The following AGBL1 variants were observed in gnomAD, a reference collection of about 807,000 sequenced individuals.
AGBL1 encodes cytosolic carboxypeptidase 4.
Under a neutral mutation model 118.9 loss-of-function variants are expected in AGBL1, and 130 were observed. The observed-to-expected ratio is 1.09, with a 90% confidence interval of 0.95 to 1.26. AGBL1 has a LOEUF of 1.26. Ranked by LOEUF, AGBL1 falls within the 50% of genes most tolerant of loss-of-function variation. AGBL1 has a pLI of 0.00. For synonymous variants in AGBL1, 555 were observed against 478.9 expected, an observed-to-expected ratio of 1.16 and a Z score of -2.08; for missense variants, 1,584 against 1,298.1, an observed-to-expected ratio of 1.22 and a Z score of -3.38.
chr15:86,903,138 A>G (rs940455878), intron 22 of AGBL1, among the ~76,000 whole-genome samples: 1 of 150,854 alleles, frequency 6.6e-6, no homozygotes, highest in Admixed American at 6.6e-5. Flanking sequence ...CTATTTTTCT[A>G]CTTTCAGGTT....
intron 23 of AGBL1, among the ~76,000 whole-genome samples, chr15:86,974,975 C>A (rs72757459): frequency 0.04 from 6,088 of 151,956 alleles, 152 homozygotes; most frequent in Middle Eastern, 0.068. Flanking sequence ...GGACTTTAGG[C>A]AAGGGTCTAA....
intron 6 of AGBL1, among the ~76,000 whole-genome samples, chr15:86,227,249 C>T (rs748228916): frequency 9.2e-5 from 14 of 152,216 alleles, no homozygotes; most frequent in South Asian, 2.1e-4. Context: ...ACATATAAAA[C>T]GGGTTTTAGT....
At chr15:86,518,387 GC>G (rs2083147776) in intron 18 of AGBL1, among the ~76,000 whole-genome samples, 1 of 152,100 alleles carries the variant, frequency 6.6e-6, no homozygotes, top group Non-Finnish European at 1.5e-5. Context: ...AGACTGTCCA[GC>G]CTTTAAGGTT....
intron 22 of AGBL1, among the ~76,000 whole-genome samples, chr15:86,692,592 C>T (rs1040511402): frequency 6.6e-6 from 1 of 152,078 alleles, no homozygotes; most frequent in Non-Finnish European, 1.5e-5. Flanking sequence ...TACTAACTTA[C>T]TAAATTCTTC....
intron 17 of AGBL1, among the ~76,000 whole-genome samples, chr15:86,323,531 C>A (rs2080137163): frequency 6.6e-6 from 1 of 152,082 alleles, no homozygotes; most frequent in Non-Finnish European, 1.5e-5. Flanking sequence ...GAGAAATAAT[C>A]ATTTCATTGA....
chr15:86,934,940 C>T (rs540459293), intron 23 of AGBL1: 1 of 152,160 alleles, frequency 6.6e-6, no homozygotes, highest in Non-Finnish European at 1.5e-5. Flanking sequence ...CCATTCTCCT[C>T]CTGATATCAC....
At chr15:86,232,064 A>T (rs2078464834) in intron 6 of AGBL1, among the ~76,000 whole-genome samples, 1 of 152,118 alleles carries the variant, frequency 6.6e-6, no homozygotes, top group South Asian at 2.1e-4. Context: ...GGTGAGAGAG[A>T]GGAAGGAAGC....
intron 22 of AGBL1, among the ~76,000 whole-genome samples, chr15:86,692,372 GA>G (rs2086187859): frequency 1.3e-5 from 2 of 151,952 alleles, no homozygotes; most frequent in South Asian, 4.2e-4. Flanking sequence ...AGCACCTTGG[GA>G]AAAGCAGAAG....
chr15:86,096,740 T>G (rs928880221), intron 1 of AGBL1, among the ~76,000 whole-genome samples: 2 of 152,174 alleles, frequency 1.3e-5, no homozygotes, highest in Non-Finnish European at 2.9e-5. Context: ...ATTCTTTCAA[T>G]ATCCCTGGAA....
intron 22 of AGBL1, among the ~76,000 whole-genome samples, chr15:86,848,343 T>C (rs915462674): frequency 6.6e-6 from 1 of 152,202 alleles, no homozygotes; most frequent in African/African-American, 2.4e-5. Flanking sequence ...TTTGCTGAGC[T>C]AAAAACTGTG....
intron 19 of AGBL1, among the ~76,000 whole-genome samples, chr15:86,543,693 T>G (rs2083536056): frequency 6.6e-6 from 1 of 152,158 alleles, no homozygotes; most frequent in African/African-American, 2.4e-5. Flanking sequence ...ACTGGACAAC[T>G]AATGACAGGG....
At chr15:86,664,568 T>G (rs1020587815) in intron 21 of AGBL1, among the ~76,000 whole-genome samples, 7 of 152,168 alleles carry the variant, frequency 4.6e-5, no homozygotes, top group African/African-American at 1.7e-4. Flanking sequence ...AATGGATGTC[T>G]CATTGCTATT....
At chr15:86,126,270 A>G (rs1381669142) in intron 1 of AGBL1, among the ~76,000 whole-genome samples, 1 of 152,042 alleles carries the variant, frequency 6.6e-6, no homozygotes, top group Non-Finnish European at 1.5e-5. Flanking sequence ...GTTTCTATTC[A>G]GCCTTATTTT....
intron 20 of AGBL1, among the ~76,000 whole-genome samples, chr15:86,548,334 C>G (rs1010370047): frequency 1.3e-5 from 2 of 152,168 alleles, no homozygotes; most frequent in African/African-American, 2.4e-5. Context: ...TTCACATCCA[C>G]TCTGCAACAT....
chr15:86,984,404 G>GC (rs2081260922), intron 23 of AGBL1, among the ~76,000 whole-genome samples: 1 of 140,546 alleles, frequency 7.1e-6, no homozygotes, highest in Admixed American at 7.5e-5. Context: ...TCACTCTGTC[G>GC]CCCGGGCTGG....
At chr15:86,971,097 ATAT>A (rs1490932477) in intron 23 of AGBL1, among the ~76,000 whole-genome samples, 1 of 152,034 alleles carries the variant, frequency 6.6e-6, no homozygotes. Flanking sequence ...TCCTGCAAGG[ATAT>A]TGAGGGACAA....
At chr15:86,628,545 C>A (rs982271067) in intron 21 of AGBL1, among the ~76,000 whole-genome samples, 5 of 152,006 alleles carry the variant, frequency 3.3e-5, no homozygotes, top group African/African-American at 1.2e-4. Flanking sequence ...GCCTGTAATC[C>A]CAGCCCTTTG....
rs140381056 is a variant in AGBL1, at chr15:86,376,854, G to A, written c.2375-20512G>A. On this transcript the variant is annotated intron_variant, in intron 17 of 22. Coordinates refer to ENST00000614907, the MANE Select transcript of AGBL1 (RefSeq NM_001386094.1). Reference sequence around the variant, plus strand: ...GGGGGTCTCCTCTATGTAGCCAAAGGCAAAGGCCAGACTTATCTTTGGGTA... The same window carrying A: ...GGGGGTCTCCTCTATGTAGCCAAAGACAAAGGCCAGACTTATCTTTGGGTA... Among the ~76,000 whole-genome samples, 674 of 152,308 alleles carry A rather than the reference G, an allele frequency of 4.4e-3. 3 individuals are homozygous for A. Among genetic ancestry groups the A allele is most frequent in the African/African-American group, 0.014 (562 of 41,570 alleles).
chr15:86,782,398 A>C (rs1474883915), intron 22 of AGBL1, among the ~76,000 whole-genome samples: 1 of 152,214 alleles, frequency 6.6e-6, no homozygotes, highest in Non-Finnish European at 1.5e-5. Flanking sequence ...AAGACAATTC[A>C]GGTGTAAACT....
Sources: allele counts gnomAD v4.1 joint callset (sites outside exome capture counted in the v4.1 genomes callset), GRCh38; gene constraint gnomAD v4.1.1; transcripts MANE v1.5; gene names NCBI Gene and HGNC (gene_info 2026-07-23, HGNC 2026-07-21).